The following SCML2 variants were observed in gnomAD, a reference collection of about 807,000 sequenced individuals.
SCML2 encodes the protein Scm polycomb group protein like 2.
Under a neutral mutation model 48.4 loss-of-function variants are expected in SCML2, and 6 were observed. The ratio of observed to expected loss-of-function variants is 0.12; its 90% confidence interval spans 0.07 to 0.24. The LOEUF (loss-of-function observed/expected upper bound fraction) is 0.24, where lower values mean the gene tolerates loss of function less well. SCML2 is among the 10% of genes least tolerant of loss of function. SCML2 has a pLI of 1.00. For missense variants in SCML2, 377 were observed against 528.2 expected (o/e 0.71, Z 2.81); for synonymous variants, 181 against 189.5 (o/e 0.95, Z 0.37).
chrX:18,255,614 T>C (rs2267626), intron 11 of SCML2, among the ~76,000 whole-genome samples: 1 of 111,788 alleles, frequency 8.9e-6, no homozygotes, highest in Non-Finnish European at 1.9e-5. Flanking sequence ...GTTAGTACAG[T>C]CTGAAGCAGG....
chrX:18,337,735 T>C (rs1287060701), intron 1 of SCML2, among the ~76,000 whole-genome samples: 3 of 111,784 alleles, frequency 2.7e-5, no homozygotes, highest in Non-Finnish European at 1.9e-5. Flanking sequence ...GGCGAGGACA[T>C]AGTTGAACTC....
rs887947089 is a variant in SCML2 at position 18,341,393 on chromosome X, T to C, written c.-24-7298A>G. The C allele has an allele frequency of 1.6e-5, 4 of 245,597 alleles. No homozygotes were observed. In the East Asian group the frequency reaches 3.8e-4, roughly 23 times the overall value. The allele number at this position is 245,597 out of a possible 1,213,427, so 20.2% of individuals were successfully genotyped here. A position where few individuals can be genotyped will look rare whatever the true frequency, so the allele number is the denominator to read the frequency against. On this transcript the variant is annotated intron_variant, in intron 1 of 14. Transcript: ENST00000251900. ...CCTGTCATCTTCGAGACCCCAGTAG[T>C]AATGTGGAGGAAGAATCACCACAAG...
intron 7 of SCML2, among the ~76,000 whole-genome samples, chrX:18,267,106 T>A (rs1009550482): frequency 8.9e-6 from 1 of 112,203 alleles, no homozygotes; most frequent in Non-Finnish European, 1.9e-5. Flanking sequence ...CCTGACCTTA[T>A]CACTGGAGAG....
chrX:18,247,703 G>C, intron 12 of SCML2, 66 bp downstream of exon 12: 1 of 839,808 alleles, frequency 1.2e-6, no homozygotes. Context: ...ACCACCCCAA[G>C]AGTATACATA....
intron 8 of SCML2, among the ~76,000 whole-genome samples, 198 bp downstream of exon 8, chrX:18,265,387 C>T (rs963123716): frequency 2.7e-5 from 3 of 112,242 alleles, no homozygotes; most frequent in African/African-American, 9.7e-5. Context: ...AAGTAGAACA[C>T]TATAAAAAGT....
rs143262425 is a variant in SCML2, at chrX:18,346,326, T to G, written c.-25+8266A>C. Among the ~76,000 whole-genome samples the G allele has an allele frequency of 1.2e-3, 135 of 111,340 alleles. 6 individuals carry two copies. In the East Asian group the frequency reaches 0.034, roughly 28 times the overall value. ...TCCGTATGAGTTACCATTATAGAAT[T>G]CAGTTTATAAATGCCAACTACATAA... On this transcript the variant is annotated intron_variant, in intron 1 of 14. Transcript: ENST00000251900.
chrX:18,247,305 T>G (rs1450989367), intron 12 of SCML2, among the ~76,000 whole-genome samples: 1 of 111,798 alleles, frequency 8.9e-6, no homozygotes, highest in African/African-American at 3.2e-5. Context: ...AGTGATTCCA[T>G]ATCACCTATA....
chrX:18,347,971 T>C (rs1930256653), intron 1 of SCML2, among the ~76,000 whole-genome samples: 1 of 111,434 alleles, frequency 9.0e-6, no homozygotes, highest in Admixed American at 9.7e-5. Flanking sequence ...TTTCAAAAAT[T>C]TCTAATTTAA....
At chrX:18,339,255 T>C (rs1929936768) in intron 1 of SCML2, among the ~76,000 whole-genome samples, 1 of 112,086 alleles carries the variant, frequency 8.9e-6, no homozygotes, top group Non-Finnish European at 1.9e-5. Context: ...ACCAGACATA[T>C]CACTATCAAA....
intron 7 of SCML2, among the ~76,000 whole-genome samples, chrX:18,270,883 G>T (rs1459282839): frequency 9.0e-6 from 1 of 111,643 alleles, no homozygotes; most frequent in South Asian, 3.7e-4. Context: ...AAAAAGTTAT[G>T]TGAAATATAA....
chrX:18,249,854 G>C (rs1208369099), intron 11 of SCML2, among the ~76,000 whole-genome samples: 2 of 111,068 alleles, frequency 1.8e-5, no homozygotes, highest in African/African-American at 6.5e-5. Context: ...AACACACACA[G>C]AAAATCCCTT....
At chrX:18,326,419 C>G (rs1221359100) in intron 3 of SCML2, among the ~76,000 whole-genome samples, 1 of 110,212 alleles carries the variant, frequency 9.1e-6, no homozygotes, top group Non-Finnish European at 1.9e-5. Flanking sequence ...TGCGGTGGCT[C>G]TGTAATCCCA....
chrX:18,324,617 C>T (rs1303351540), intron 4 of SCML2, among the ~76,000 whole-genome samples: 1 of 112,196 alleles, frequency 8.9e-6, no homozygotes, highest in Non-Finnish European at 1.9e-5. Flanking sequence ...CCTCCCATTC[C>T]AACCATCTCA....
chrX:18,266,537 T>A (rs1341808254), intron 7 of SCML2, among the ~76,000 whole-genome samples: 1 of 112,022 alleles, frequency 8.9e-6, no homozygotes, highest in Non-Finnish European at 1.9e-5. Flanking sequence ...GAGATATGTT[T>A]AGTATTAATT....
intron 3 of SCML2, among the ~76,000 whole-genome samples, chrX:18,328,590 T>C (rs1242242340): frequency 9.0e-6 from 1 of 111,628 alleles, no homozygotes; most frequent in Non-Finnish European, 1.9e-5. Context: ...GAGGATCACT[T>C]GAGACCAGAA....
chrX:18,247,239 C>T (rs976513935), intron 12 of SCML2, among the ~76,000 whole-genome samples: 1 of 111,201 alleles, frequency 9.0e-6, no homozygotes, highest in African/African-American at 3.3e-5. Flanking sequence ...TCAGATGATC[C>T]ACCCGACTTG....
intron 7 of SCML2, among the ~76,000 whole-genome samples, chrX:18,301,393 G>T (rs187082955): frequency 2.8e-5 from 3 of 108,622 alleles, no homozygotes; most frequent in Admixed American, 9.8e-5. Context: ...GCGAGACTCC[G>T]TCTCAGGAAA....
chrX:18,256,865 T>C lies in SCML2; in HGVS notation c.1439A>G (p.His480Arg), dbSNP rs1412621362. 3.4e-6 allele frequency: 4 copies of C among 1,182,064 alleles called. No individual in the cohort carries two copies. Among genetic ancestry groups the C allele is most frequent in the East Asian group, 6.1e-5 (2 of 33,014 alleles). ...TCTCTCACCTGACTGATTTTTATCA[T>C]GCTCTGCAGAGCTGTGAGTATGACC... ...SRGHTHSSAE[H>R]DKNQSAKEDV... The change falls in exon 11 of 15, where the codon CAT (histidine) becomes CGT (arginine). Residue 480 changes from histidine to arginine, a missense_variant. Around this residue, in one of 3 missense-constraint regions of SCML2, gnomAD observed 299 missense variants for 425.5 expected, o/e 0.70. Coordinates refer to ENST00000251900, the MANE Select transcript of SCML2 (RefSeq NM_006089.3).
intron 1 of SCML2, among the ~76,000 whole-genome samples, chrX:18,343,015 A>G (rs189156083): frequency 9.6e-4 from 107 of 111,995 alleles, no homozygotes; most frequent in African/African-American, 3.3e-3. Context: ...AACAGTTTTA[A>G]AGTACTATTT....
Sources: allele counts gnomAD v4.1 joint callset (sites outside exome capture counted in the v4.1 genomes callset), GRCh38; gene constraint gnomAD v4.1.1; regional missense constraint gnomAD v4.1.1; transcripts MANE v1.5; gene names NCBI Gene and HGNC (gene_info 2026-07-23, HGNC 2026-07-21).